The following NAALADL2 variants were observed in gnomAD, a reference collection of about 807,000 sequenced individuals.
The protein encoded by NAALADL2 is N-acetylated alpha-linked acidic dipeptidase like 2.
A neutral mutation model predicts 87.2 loss-of-function variants in NAALADL2; 76 were observed. The observed-to-expected ratio is 0.87, with a 90% CI of 0.72 to 1.05. The LOEUF (loss-of-function observed/expected upper bound fraction) is 1.05. Ranked by LOEUF, NAALADL2 falls within the 50% of genes least tolerant of loss-of-function variation. The pLI is 0.00. For synonymous variants in NAALADL2, 354 were observed against 331.0 expected, an observed-to-expected ratio of 1.07 and a Z score of -0.75; for missense variants, 1,089 against 945.8, an observed-to-expected ratio of 1.15 and a Z score of -1.99.
chr3:175,664,098 A>C (rs1732641372), intron 11 of NAALADL2, among the ~76,000 whole-genome samples: 1 of 152,054 alleles, frequency 6.6e-6, no homozygotes, highest in Non-Finnish European at 1.5e-5. Context: ...ATATTTTTCC[A>C]ATCTTAAGAC....
chr3:174,911,800 G>C (rs1260731122), intron 1 of NAALADL2, among the ~76,000 whole-genome samples: 4 of 152,006 alleles, frequency 2.6e-5, no homozygotes, highest in African/African-American at 9.7e-5. Context: ...GCCAACATCT[G>C]ACAAGTGCCC....
intron 11 of NAALADL2, among the ~76,000 whole-genome samples, chr3:175,639,689 C>T (rs1163455756): frequency 6.6e-6 from 1 of 152,058 alleles, no homozygotes; most frequent in Non-Finnish European, 1.5e-5. Flanking sequence ...TTCTCCACAC[C>T]TTTAACTTAC....
At chr3:175,392,066 G>C (rs181851818) in intron 5 of NAALADL2, among the ~76,000 whole-genome samples, 125 of 152,330 alleles carry the variant, frequency 8.2e-4, no homozygotes, top group African/African-American at 2.9e-3. Flanking sequence ...CAAGATCACA[G>C]TTTCTAAGAA....
chr3:175,555,698 A>C (rs555861121), intron 9 of NAALADL2, among the ~76,000 whole-genome samples: 3 of 152,192 alleles, frequency 2.0e-5, no homozygotes, highest in African/African-American at 7.2e-5. Flanking sequence ...CACACTACAC[A>C]TATATATGTA....
intron 9 of NAALADL2, among the ~76,000 whole-genome samples, chr3:175,489,678 C>T (rs1315568122): frequency 6.6e-6 from 1 of 152,124 alleles, no homozygotes; most frequent in Non-Finnish European, 1.5e-5. Context: ...AATGACCATG[C>T]ATGCTATTAA....
intron 2 of NAALADL2, among the ~76,000 whole-genome samples, chr3:174,673,013 C>T (rs1051758685): frequency 8.6e-5 from 13 of 151,880 alleles, no homozygotes; most frequent in Admixed American, 7.2e-4. Context: ...CCTTTGGCTG[C>T]GGTGTTGATT....
At chr3:174,855,775 TACACACACACAC>T (rs10576439), upstream of NAALADL2, among the ~76,000 whole-genome samples, 724 of 135,650 alleles carry the variant, frequency 5.3e-3, 4 homozygotes, top group African/African-American at 0.016. Context: ...AGGAGAGAAA[TACACACACACAC>T]ACACACACAC....
chr3:175,755,375 G>C lies in NAALADL2; in HGVS notation c.2146G>C (p.Glu716Gln), dbSNP rs1747134821. Reference sequence around the variant, plus strand: ...GCTGAATGACATTCTCCAAGACATGGAGAAAAGCTTTCTGGTAAAGCAGGC... The same window carrying C: ...GCTGAATGACATTCTCCAAGACATGCAGAAAAGCTTTCTGGTAAAGCAGGC... ...RMLNDILQDM[E>Q]KSFLVKQAPP... Residue 716 changes from glutamate (E) to glutamine (Q), a missense_variant, in exon 13 of 14, where the codon GAG becomes CAG. Coordinates refer to ENST00000454872, the MANE Select transcript of NAALADL2 (RefSeq NM_207015.3). 1 of 1,609,580 alleles carries C rather than the reference G, an allele frequency of 6.2e-7. No individual in the cohort carries two copies. The highest frequency in any genetic ancestry group is 1.3e-5 in the African/African-American group (1 of 74,964).
At chr3:175,256,386 T>A in intron 3 of NAALADL2, 25 bp from the exon 4 acceptor site, 1 of 1,587,292 alleles carries the variant, frequency 6.3e-7, no homozygotes, top group Non-Finnish European at 8.5e-7. Context: ...GGCTTTATTT[T>A]TCTTTGTTTT....
At chr3:175,372,638 T>C (rs2148955328) in intron 5 of NAALADL2, among the ~76,000 whole-genome samples, 1 of 152,352 alleles carries the variant, frequency 6.6e-6, no homozygotes, top group Non-Finnish European at 1.5e-5. Context: ...CTGACCAACA[T>C]ATGCCTCATT....
At chr3:174,899,238 G>A (rs1732006067) in intron 1 of NAALADL2, among the ~76,000 whole-genome samples, 1 of 151,984 alleles carries the variant, frequency 6.6e-6, no homozygotes. Flanking sequence ...ATTTTTATTA[G>A]AGAAGAAAGA....
chr3:175,133,344 T>G (rs1449849469), intron 2 of NAALADL2, among the ~76,000 whole-genome samples: 8 of 152,152 alleles, frequency 5.3e-5, no homozygotes. Context: ...GGCTGCAATC[T>G]CGGCACTTTG....
chr3:175,313,964 AG>A (rs1758709182), intron 4 of NAALADL2, among the ~76,000 whole-genome samples: 1 of 150,562 alleles, frequency 6.6e-6, no homozygotes, highest in Admixed American at 6.7e-5. Flanking sequence ...CAGGAGGCTG[AG>A]GCAGGAGAAT....
chr3:175,253,798 AT>A (rs1360399700), intron 3 of NAALADL2, among the ~76,000 whole-genome samples: 20 of 152,276 alleles, frequency 1.3e-4, no homozygotes, highest in Admixed American at 1.1e-3. Context: ...GGGGTTCAAG[AT>A]TTTAAGGAGG....
chr3:174,699,580 A>C (rs937732988), intron 2 of NAALADL2, among the ~76,000 whole-genome samples: 1 of 151,870 alleles, frequency 6.6e-6, no homozygotes, highest in African/African-American at 2.4e-5. Context: ...TTTGATATTT[A>C]ATTTGATTCA....
chr3:174,491,127 T>G (rs1282781712), intron 1 of NAALADL2, among the ~76,000 whole-genome samples: 1 of 152,044 alleles, frequency 6.6e-6, no homozygotes, highest in Non-Finnish European at 1.5e-5. Context: ...CTTTATCAAT[T>G]TGGGGTGAAC....
In NAALADL2 at chr3:174,893,493, T is replaced by C. The variant is rs185648467; in HGVS notation, c.43+34043T>C. Among the ~76,000 whole-genome samples the C allele has an allele frequency of 3.2e-4, 48 of 152,220 alleles. No individual in the cohort carries two copies. The East Asian group carries it at 6.6e-3, about 21-fold the overall frequency. On this transcript the variant is annotated intron_variant, in intron 1 of 13. Coordinates refer to ENST00000454872, the MANE Select transcript of NAALADL2 (RefSeq NM_207015.3). Reference sequence around the variant, plus strand: ...AATCAAAAATAATAGCTACAACAACTTTTCAAGACATAGTCAGTACAATAA... The same window carrying C: ...AATCAAAAATAATAGCTACAACAACCTTTCAAGACATAGTCAGTACAATAA...
At chr3:175,498,633 A>G (rs1288828718) in intron 9 of NAALADL2, among the ~76,000 whole-genome samples, 1 of 152,080 alleles carries the variant, frequency 6.6e-6, no homozygotes, top group Non-Finnish European at 1.5e-5. Context: ...TAATCTCTAC[A>G]TGACTATTAT....
chr3:174,561,019 T>C (rs1056701321), intron 2 of NAALADL2, among the ~76,000 whole-genome samples: 5 of 152,118 alleles, frequency 3.3e-5, no homozygotes, highest in Non-Finnish European at 7.4e-5. Context: ...ACAATGGTGA[T>C]AGGTATAGGA....
Sources: allele counts gnomAD v4.1 joint callset (sites outside exome capture counted in the v4.1 genomes callset), GRCh38; gene constraint gnomAD v4.1.1; transcripts MANE v1.5; gene names NCBI Gene and HGNC (gene_info 2026-07-23, HGNC 2026-07-21).